The following ARID1B variants were observed in gnomAD, a reference collection of about 807,000 sequenced individuals.
ARID1B encodes AT-rich interactive domain-containing protein 1B.
A neutral mutation model predicts 212.3 loss-of-function variants in ARID1B; 30 were observed. The observed-to-expected ratio is 0.14, with a 90% CI of 0.11 to 0.19. ARID1B has a LOEUF of 0.19. Among genes scored for constraint, ARID1B ranks in the 10% least tolerant of loss-of-function variants. The probability of loss-of-function intolerance (pLI) is 1.00; values close to 1 mark genes in which losing one functional copy is unlikely to be tolerated. For synonymous variants in ARID1B, 1,402 were observed against 1,301.7 expected, an observed-to-expected ratio of 1.08 and a Z score of -1.66; for missense variants, 2,891 against 3,204.0, an observed-to-expected ratio of 0.90 and a Z score of 2.36.
intron 6 of ARID1B, among the ~76,000 whole-genome samples, chr6:157,122,605 G>A (rs937054445): frequency 6.6e-6 from 1 of 152,284 alleles, no homozygotes; most frequent in African/African-American, 2.4e-5. Context: ...ACAAGCTCTG[G>A]GGCAGCAGAA....
chr6:157,037,963 C>A (rs1781440928), intron 4 of ARID1B, among the ~76,000 whole-genome samples: 1 of 152,164 alleles, frequency 6.6e-6, no homozygotes, highest in Non-Finnish European at 1.5e-5. Context: ...GGAAGAATTA[C>A]AGATTTTTAA....
rs143426920 is a variant in ARID1B, at chr6:156,856,923, G to C, written c.1986+27502G>C. On this transcript the variant is annotated intron_variant, in intron 2 of 19. Transcript: ENST00000636930. ...GAGCTTGACGTGCTGGCAATCTAAG[G>C]GTAGGATGGGCTATCTGACCTCACT... Among the ~76,000 whole-genome samples, 495 of 152,240 alleles carry C rather than the reference G, an allele frequency of 3.3e-3. 2 individuals carry two copies. Among genetic ancestry groups the C allele is most frequent in the African/African-American group, 0.011 (471 of 41,534 alleles).
At chr6:157,146,668 C>A (rs1178551405) in intron 7 of ARID1B, among the ~76,000 whole-genome samples, 2 of 152,176 alleles carry the variant, frequency 1.3e-5, no homozygotes, top group African/African-American at 2.4e-5. Context: ...ACACACATAC[C>A]CATGTAGATG....
chr6:157,182,925 AC>A (rs1261589477), intron 12 of ARID1B, among the ~76,000 whole-genome samples: 1 of 151,988 alleles, frequency 6.6e-6, no homozygotes, highest in Non-Finnish European at 1.5e-5. Context: ...AATCACCAAG[AC>A]TGCTCAAACG....
At chr6:157,116,156 T>C (rs1787310276) in intron 6 of ARID1B, among the ~76,000 whole-genome samples, 1 of 152,212 alleles carries the variant, frequency 6.6e-6, no homozygotes, top group African/African-American at 2.4e-5. Flanking sequence ...GGAATAGTCA[T>C]CTGAGTAGAT....
At chr6:156,879,333 A>G (rs1044927895) in intron 2 of ARID1B, among the ~76,000 whole-genome samples, 3 of 152,246 alleles carry the variant, frequency 2.0e-5, no homozygotes, top group African/African-American at 4.8e-5. Context: ...TGGCCTGACA[A>G]TCACTCAGCT....
intron 4 of ARID1B, among the ~76,000 whole-genome samples, chr6:156,982,540 CT>C (rs1364333293): frequency 6.6e-6 from 1 of 151,148 alleles, no homozygotes; most frequent in African/African-American, 2.4e-5. Flanking sequence ...CCTTAATCTG[CT>C]TTCTTATTCT....
intron 7 of ARID1B, among the ~76,000 whole-genome samples, chr6:157,136,986 T>A (rs557655612): frequency 6.6e-6 from 1 of 152,184 alleles, no homozygotes; most frequent in African/African-American, 2.4e-5. Context: ...GAGACCAGCC[T>A]GGGCAACATG....
In ARID1B at chr6:157,133,187, T is replaced by C; in HGVS notation, c.2741T>C (p.Met914Thr). ...TCAAGTGGGACTTACGGTCCACAGA[T>C]GAGCCAGTATGGACCACAAGGTAAA... ...SNSSGTYGPQ[M>T]SQYGPQGNYS... Residue 914 changes from methionine (M) to threonine (T), a missense_variant, in exon 7 of 20, where the codon ATG becomes ACG. Around this residue, in one of 7 missense-constraint regions of ARID1B, gnomAD observed 1,643 missense variants for 1,544.0 expected, o/e 1.06. Transcript: ENST00000636930. 6.2e-7 allele frequency: 1 copy of C among 1,609,382 alleles called. No homozygotes were observed. The highest frequency in any genetic ancestry group is 8.5e-7 in the Non-Finnish European group (1 of 1,178,552).
At position 157,206,768 on chromosome 6, in the gene ARID1B, C is replaced by A; in HGVS notation, c.5996C>A (p.Thr1999Asn). 6.2e-7 allele frequency: 1 copy of A among 1,613,720 alleles called. No homozygotes were observed. Among genetic ancestry groups the A allele is most frequent in the Non-Finnish European group, 8.5e-7 (1 of 1,180,034 alleles). ...EEQQEKSIIA[T>N]IDDVLSARPG... ...CAGCAAGAGAAAAGCATCATAGCAA[C>A]CATCGATGACGTCCTCTCTGCTCGG... The change falls in exon 20 of 20, where the codon ACC (threonine) becomes AAC (asparagine). Residue 1999 changes from threonine to asparagine, a missense_variant. Transcript: ENST00000636930. The surrounding 1 kb of genome is among the most constrained non-coding windows in gnomAD (Gnocchi z 6.8).
At chr6:157,167,615 A>G (rs182558607) in intron 9 of ARID1B, 22 of 158,784 alleles carry the variant, frequency 1.4e-4, no homozygotes, top group Admixed American at 6.9e-4. Context: ...ATTTAGGGAA[A>G]CACCTCTAAA....
chr6:156,813,393 G>A (rs995549234), intron 1 of ARID1B, among the ~76,000 whole-genome samples: 5 of 151,636 alleles, frequency 3.3e-5, no homozygotes, highest in African/African-American at 7.3e-5. Context: ...GATTACAGGC[G>A]CGAGCCATTG....
chr6:156,881,444 A>G (rs1353461468), intron 2 of ARID1B, among the ~76,000 whole-genome samples: 1 of 152,236 alleles, frequency 6.6e-6, no homozygotes, highest in Non-Finnish European at 1.5e-5. Flanking sequence ...ATATGTATGT[A>G]TACAATGTAT....
At chr6:156,826,722 G>C (rs114952508) in intron 1 of ARID1B, among the ~76,000 whole-genome samples, 24 of 152,080 alleles carry the variant, frequency 1.6e-4, no homozygotes, top group African/African-American at 4.3e-4. Flanking sequence ...TGTCCTTGCC[G>C]AGCACAGCAG....
chr6:157,173,153 C>T (rs1791840502), intron 9 of ARID1B: 1 of 152,218 alleles, frequency 6.6e-6, no homozygotes, highest in Admixed American at 6.5e-5. Flanking sequence ...CTTGTTCTTC[C>T]ACTAAAAAGA....
At chr6:156,837,108 A>G (rs1725184662) in intron 2 of ARID1B, among the ~76,000 whole-genome samples, 1 of 152,260 alleles carries the variant, frequency 6.6e-6, no homozygotes, top group Non-Finnish European at 1.5e-5. Flanking sequence ...AAAGATTAGC[A>G]AATTGTTGGT....
intron 4 of ARID1B, among the ~76,000 whole-genome samples, chr6:157,018,611 T>C (rs1780049592): frequency 6.6e-6 from 1 of 152,238 alleles, no homozygotes; most frequent in Non-Finnish European, 1.5e-5. Flanking sequence ...TCAGCCTTAC[T>C]CTTCGTTTAC....
intron 4 of ARID1B, among the ~76,000 whole-genome samples, chr6:157,055,738 A>C (rs1782918244): frequency 6.6e-6 from 1 of 152,190 alleles, no homozygotes; most frequent in African/African-American, 2.4e-5. Flanking sequence ...TCCTCTACTC[A>C]GGATCTCGTG....
intron 4 of ARID1B, among the ~76,000 whole-genome samples, chr6:157,019,115 A>G (rs1780076029): frequency 6.6e-6 from 1 of 152,216 alleles, no homozygotes; most frequent in Admixed American, 6.5e-5. Flanking sequence ...TAAGAAGTCT[A>G]GACCCAGTTC....
Sources: allele counts gnomAD v4.1 joint callset (sites outside exome capture counted in the v4.1 genomes callset), GRCh38; gene constraint gnomAD v4.1.1; regional missense constraint gnomAD v4.1.1; non-coding constraint Gnocchi (gnomAD v3.1); transcripts MANE v1.5; gene names NCBI Gene and HGNC (gene_info 2026-07-23, HGNC 2026-07-21).